Variants in CFAP299 observed in about 807,000 individuals in gnomAD.
CFAP299 encodes the protein cilia and flagella associated protein 299, also known as cilia- and flagella-associated protein 299.
In CFAP299, 21 loss-of-function variants were observed where a neutral mutation model predicts 27.0. The ratio of observed to expected loss-of-function variants is 0.78; its 90% CI spans 0.55 to 1.12. CFAP299 has a LOEUF of 1.12. Ranked by LOEUF, CFAP299 falls within the 50% of genes most tolerant of loss-of-function variation. The pLI is 0.00. For synonymous variants in CFAP299, 104 were observed against 98.1 expected (o/e 1.06, Z -0.36); for missense variants, 310 against 276.6 (o/e 1.12, Z -0.86).
intron 3 of CFAP299, among the ~76,000 whole-genome samples, chr4:80,688,918 C>G (rs1426293990): frequency 6.6e-6 from 1 of 151,770 alleles, no homozygotes; most frequent in South Asian, 2.1e-4. Context: ...GGAGCCGATG[C>G]GATCAACTGG....
At chr4:80,760,994 A>G (rs1725515434) in intron 3 of CFAP299, among the ~76,000 whole-genome samples, 1 of 152,218 alleles carries the variant, frequency 6.6e-6, no homozygotes, top group Non-Finnish European at 1.5e-5. Flanking sequence ...TCCCAGGAGT[A>G]ATAGGTAATC....
chr4:80,619,830 C>G (rs546758753), intron 3 of CFAP299, among the ~76,000 whole-genome samples: 2 of 152,092 alleles, frequency 1.3e-5, no homozygotes, highest in African/African-American at 4.8e-5. Context: ...TGTATTATCT[C>G]TTAATTATAA....
chr4:80,328,003 C>A, the CFAP299 span, among the ~76,000 whole-genome samples: 3 of 151,620 alleles, frequency 2.0e-5, no homozygotes, highest in African/African-American at 7.3e-5. Flanking sequence ...CTTCATGCCA[C>A]TGAAAGGTCA....
At chr4:80,824,460 A>G (rs1015180195) in intron 3 of CFAP299, among the ~76,000 whole-genome samples, 1 of 152,144 alleles carries the variant, frequency 6.6e-6, no homozygotes, top group Non-Finnish European at 1.5e-5. Flanking sequence ...CTATTGTTGC[A>G]CACACCCTCC....
chr4:80,804,528 A>G (rs1471891044), intron 3 of CFAP299, among the ~76,000 whole-genome samples: 1 of 152,116 alleles, frequency 6.6e-6, no homozygotes, highest in Non-Finnish European at 1.5e-5. Context: ...CCATCCTTCA[A>G]TGGACACTTG....
At chr4:80,435,418 A>G (rs866590938) in intron 2 of CFAP299, among the ~76,000 whole-genome samples, 26 of 152,320 alleles carry the variant, frequency 1.7e-4, no homozygotes, top group African/African-American at 5.8e-4. Flanking sequence ...TATGGAACTA[A>G]TCCAAAACAA....
intron 4 of CFAP299, among the ~76,000 whole-genome samples, chr4:80,890,461 G>A (rs545161718): frequency 3.9e-5 from 6 of 152,252 alleles, no homozygotes; most frequent in African/African-American, 1.4e-4. Context: ...ATAAAAGACT[G>A]ATGAAAGAAA....
intron 3 of CFAP299, among the ~76,000 whole-genome samples, chr4:80,844,187 T>A (rs1190218100): frequency 6.6e-6 from 1 of 152,192 alleles, no homozygotes; most frequent in Non-Finnish European, 1.5e-5. Context: ...AAGTCTTTGC[T>A]ATTGTGAATA....
intron 2 of CFAP299, among the ~76,000 whole-genome samples, chr4:80,394,272 A>C (rs187540495): frequency 6.6e-6 from 1 of 151,996 alleles, no homozygotes; most frequent in East Asian, 1.9e-4. Context: ...TCCTTTGACT[A>C]TTTTCTAATG....
upstream of CFAP299, among the ~76,000 whole-genome samples, chr4:80,334,563 C>T (rs1722050736): frequency 6.6e-6 from 1 of 152,130 alleles, no homozygotes; most frequent in African/African-American, 2.4e-5. Flanking sequence ...TGTACCTGGC[C>T]TATTATTACT....
chr4:80,648,488 T>G (rs1465090141), intron 3 of CFAP299, among the ~76,000 whole-genome samples: 1 of 152,168 alleles, frequency 6.6e-6, no homozygotes, highest in Non-Finnish European at 1.5e-5. Context: ...ATTAAGAGGA[T>G]TTCTACTGTA....
At chr4:80,440,998 G>C (rs1728331991) in intron 2 of CFAP299, among the ~76,000 whole-genome samples, 2 of 152,158 alleles carry the variant, frequency 1.3e-5, no homozygotes, top group Admixed American at 6.5e-5. Flanking sequence ...GTGAAGACAA[G>C]ATGAGAGAAA....
chr4:80,633,757 T>C (rs1287595213), intron 3 of CFAP299, among the ~76,000 whole-genome samples: 1 of 152,142 alleles, frequency 6.6e-6, no homozygotes, highest in African/African-American at 2.4e-5. Flanking sequence ...CTGATTGAAT[T>C]TCATGGGAAA....
At chr4:80,620,928 CACAG>C (rs759853723) in intron 3 of CFAP299, among the ~76,000 whole-genome samples, 2 of 152,188 alleles carry the variant, frequency 1.3e-5, no homozygotes, top group African/African-American at 2.4e-5. Context: ...TAGAGTGTCT[CACAG>C]ACAGTGATTA....
At chr4:80,706,928 A>T (rs1401511933) in intron 3 of CFAP299, among the ~76,000 whole-genome samples, 1 of 151,946 alleles carries the variant, frequency 6.6e-6, no homozygotes, top group African/African-American at 2.4e-5. Flanking sequence ...TACATTTATA[A>T]GTACCGCCCC....
At chr4:80,798,366 A>C (rs915499926) in intron 3 of CFAP299, among the ~76,000 whole-genome samples, 4 of 152,132 alleles carry the variant, frequency 2.6e-5, no homozygotes, top group African/African-American at 9.7e-5. Context: ...TATTGCCACT[A>C]CTAGGGATAG....
chr4:80,740,839 A>G (rs1724218677), intron 3 of CFAP299, among the ~76,000 whole-genome samples: 2 of 152,082 alleles, frequency 1.3e-5, no homozygotes, highest in South Asian at 4.2e-4. Context: ...CAGTCCATGG[A>G]GGGTTCCACC....
At chr4:80,638,250 T>C (rs1039965453) in intron 3 of CFAP299, among the ~76,000 whole-genome samples, 1 of 152,184 alleles carries the variant, frequency 6.6e-6, no homozygotes, top group African/African-American at 2.4e-5. Context: ...GGAGAACTTT[T>C]ATTCAGTTTT....
In CFAP299 at chr4:80,553,871, CT is replaced by C. The variant is rs563292988; in HGVS notation, c.243-29220del. On this transcript the variant is annotated intron_variant, in intron 2 of 5. Transcript: ENST00000358105. ...TTCTCTTATAAATTTGTTTAAGTTC[CT>C]TATAGATGCTGAATATTAGATCTTT... is the stretch of plus-strand genomic sequence containing the variant. 4.7e-4 allele frequency among the ~76,000 whole-genome samples: 72 copies of C among 152,120 alleles called. No individual in the cohort carries two copies. The East Asian group carries it at 0.013, about 28-fold the overall frequency.
Sources: allele counts gnomAD v4.1 joint callset (sites outside exome capture counted in the v4.1 genomes callset), GRCh38; gene constraint gnomAD v4.1.1; transcripts MANE v1.5; gene names NCBI Gene and HGNC (gene_info 2026-07-23, HGNC 2026-07-21).